The following FAM171A1 variants were observed in gnomAD, a reference collection of about 807,000 sequenced individuals.
FAM171A1 encodes family with sequence similarity 171 member A1, also known as protein FAM171A1.
In FAM171A1, 23 loss-of-function variants were observed where a neutral mutation model predicts 74.9. The observed-to-expected ratio is 0.31, with a 90% CI of 0.22 to 0.44. FAM171A1 has a LOEUF of 0.44. Among genes scored for constraint, FAM171A1 ranks in the 20% least tolerant of loss-of-function variants. The pLI is 1.00. For missense variants in FAM171A1, 1,162 were observed against 1,159.2 expected, an observed-to-expected ratio of 1.00 and a Z score of -0.03; for synonymous variants, 527 against 505.7, an observed-to-expected ratio of 1.04 and a Z score of -0.57.
intron 2 of FAM171A1, among the ~76,000 whole-genome samples, chr10:15,279,081 A>G (rs1834932807): frequency 6.6e-6 from 1 of 152,068 alleles, no homozygotes; most frequent in South Asian, 2.1e-4. Flanking sequence ...GACATTTACA[A>G]GGCCCTGACC....
intron 1 of FAM171A1, among the ~76,000 whole-genome samples, chr10:15,306,152 CAT>C (rs1432704043): frequency 6.6e-6 from 1 of 152,232 alleles, no homozygotes; most frequent in Non-Finnish European, 1.5e-5. Flanking sequence ...CCTATCTTCA[CAT>C]TCAGATGTGC....
At chr10:15,274,926 A>G (rs995143662) in intron 3 of FAM171A1, among the ~76,000 whole-genome samples, 2 of 152,204 alleles carry the variant, frequency 1.3e-5, no homozygotes, top group African/African-American at 4.8e-5. Context: ...GCAGCCATAA[A>G]AAATGATGAG....
intron 1 of FAM171A1, among the ~76,000 whole-genome samples, chr10:15,342,307 C>T (rs973846194): frequency 2.6e-5 from 4 of 152,166 alleles, no homozygotes; most frequent in African/African-American, 9.7e-5. Context: ...TGGTGGCTCA[C>T]GCCTGTAATC....
chr10:15,262,165 C>T (rs758904268), intron 3 of FAM171A1, among the ~76,000 whole-genome samples: 3 of 152,080 alleles, frequency 2.0e-5, no homozygotes, highest in Non-Finnish European at 2.9e-5. Flanking sequence ...CAGGGGAGAG[C>T]GTGTGGGAGT....
intron 1 of FAM171A1, among the ~76,000 whole-genome samples, chr10:15,347,368 C>G (rs866326324): frequency 6.6e-6 from 1 of 152,096 alleles, no homozygotes; most frequent in Non-Finnish European, 1.5e-5. Context: ...TTCATTGGGT[C>G]GGAAATCGAT....
At position 15,285,299 on chromosome 10, in the gene FAM171A1, A is replaced by G. The variant is rs139844884; in HGVS notation, c.98-1194T>C. The stretch of plus-strand genomic sequence containing the variant: ...GAGAGGCGTAGGAGGCTGGAGAGGC[A>G]AGTAAGGCCAGATCACACATGGCTT... On this transcript the variant is annotated intron_variant, in intron 1 of 7. Coordinates refer to ENST00000378116, the MANE Select transcript of FAM171A1 (RefSeq NM_001010924.2). Among the ~76,000 whole-genome samples the G allele has an allele frequency of 4.4e-3, 675 of 152,320 alleles. 3 individuals are homozygous for G. Among genetic ancestry groups the G allele is most frequent in the African/African-American group, 0.014 (602 of 41,574 alleles).
chr10:15,263,282 C>T (rs775078700), intron 3 of FAM171A1, among the ~76,000 whole-genome samples: 5 of 152,308 alleles, frequency 3.3e-5, no homozygotes, highest in South Asian at 2.1e-4. Flanking sequence ...GTCTCATCTC[C>T]GGCATTCATA....
intron 5 of FAM171A1, among the ~76,000 whole-genome samples, chr10:15,228,336 ATTTTTTTTTT>A (rs71390021): frequency 3.2e-5 from 4 of 123,962 alleles, no homozygotes; most frequent in African/African-American, 1.2e-4. Flanking sequence ...AAGTGGGAGT[ATTTTTTTTTT>A]TTTTTTTTTT....
chr10:15,268,383 A>G (rs545760261), intron 3 of FAM171A1, among the ~76,000 whole-genome samples: 3 of 152,278 alleles, frequency 2.0e-5, no homozygotes, highest in African/African-American at 7.2e-5. Flanking sequence ...GGCAATGCAG[A>G]TGGAGACACC....
At position 15,214,031 on chromosome 10, in the gene FAM171A1, C is replaced by T. The variant is rs751370179; in HGVS notation, c.1557G>A (p.Leu519=). The change falls in exon 8 of 8, where the codon CTG becomes CTA. Residue 519 remains leucine (L), a synonymous_variant. Coordinates refer to ENST00000378116, the MANE Select transcript of FAM171A1 (RefSeq NM_001010924.2). ...TGSKLTIQEH[L]YPAPSSPEKE... is the part of the protein sequence containing the mutation. ...TCTCAGGTGATGAAGGCGCGGGGTA[C>T]AGATGTTCCTGAATGGTGAGTTTGC... 3.1e-6 allele frequency: 5 copies of T among 1,614,060 alleles called. No individual in the cohort carries two copies. In the African/African-American group the frequency reaches 4.0e-5, roughly 13 times the overall value.
intron 4 of FAM171A1, among the ~76,000 whole-genome samples, chr10:15,250,187 T>A (rs1834489620): frequency 6.6e-6 from 1 of 152,230 alleles, no homozygotes; most frequent in South Asian, 2.1e-4. Flanking sequence ...CCCGTCTGTT[T>A]TTTAATGAAG....
At chr10:15,346,156 A>T (rs1241068640) in intron 1 of FAM171A1, among the ~76,000 whole-genome samples, 1 of 152,186 alleles carries the variant, frequency 6.6e-6, no homozygotes, top group Non-Finnish European at 1.5e-5. Context: ...GCTGGAATGC[A>T]GTGATCTCAG....
At position 15,283,972 on chromosome 10, in the gene FAM171A1, C is replaced by A; in HGVS notation, c.231G>T (p.Lys77Asn). ...ACTGACTGCCCAGCTTATACTGGAA[C>A]TTGATAAAGGCGACGCCATCAGTCC... ...TSGTDGVAFI[K>N]FQYKLGSQLI... Residue 77 changes from lysine to asparagine, a missense_variant, in exon 2 of 8, where the codon AAG becomes AAT. By Grantham distance (94) the Lys-to-Asn change is moderately conservative (BLOSUM62 0). Coordinates refer to ENST00000378116, the MANE Select transcript of FAM171A1 (RefSeq NM_001010924.2). 1 of 1,614,172 alleles carries A rather than the reference C, an allele frequency of 6.2e-7. No individual in the cohort carries two copies. Among genetic ancestry groups the A allele is most frequent in the Non-Finnish European group, 8.5e-7 (1 of 1,180,034 alleles).
At chr10:15,319,846 T>C (rs543562205) in intron 1 of FAM171A1, among the ~76,000 whole-genome samples, 15 of 152,344 alleles carry the variant, frequency 9.8e-5, no homozygotes, top group African/African-American at 3.4e-4. Context: ...AGAACCCATA[T>C]AAAAGGTTTT....
intron 5 of FAM171A1, among the ~76,000 whole-genome samples, chr10:15,227,711 C>T (rs561492705): frequency 3.3e-5 from 5 of 152,300 alleles, no homozygotes; most frequent in African/African-American, 1.2e-4. Context: ...TTAGACCTTA[C>T]ACAATGGAAA....
chr10:15,256,441 C>G (rs1834581586), intron 3 of FAM171A1, among the ~76,000 whole-genome samples: 1 of 152,164 alleles, frequency 6.6e-6, no homozygotes, highest in Non-Finnish European at 1.5e-5. Context: ...AGCAGGTAGA[C>G]TTCTCCAGGG....
chr10:15,354,651 A>T (rs1053861165), intron 1 of FAM171A1, among the ~76,000 whole-genome samples: 1 of 152,214 alleles, frequency 6.6e-6, no homozygotes, highest in African/African-American at 2.4e-5. Context: ...AAGAGAAGAA[A>T]CAGGCTGGGC....
At chr10:15,348,700 G>A (rs1243137484) in intron 1 of FAM171A1, among the ~76,000 whole-genome samples, 1 of 152,110 alleles carries the variant, frequency 6.6e-6, no homozygotes, top group African/African-American at 2.4e-5. Context: ...GGGGCCACAC[G>A]GGACCCTGAA....
rs143238201 is a variant in FAM171A1, at chr10:15,248,655, C to T, written c.738G>A (p.Arg246=). ...CTTGCTTACCCAGCTTCTGGTCAAA[C>T]CGCCACGCCGCGACATAGGCATTGT... ...LRHNAYVAAW[R]FDQKLGTWLK... is the part of the protein sequence containing the mutation. The change falls in exon 5 of 8, where the codon CGG becomes CGA. Residue 246 remains arginine (R), a synonymous_variant. Transcript: ENST00000378116. The T allele has an allele frequency of 5.6e-6, 9 of 1,607,828 alleles. No homozygotes were observed. The highest frequency in any genetic ancestry group is 1.3e-5 in the African/African-American group (1 of 74,714).
Sources: allele counts gnomAD v4.1 joint callset (sites outside exome capture counted in the v4.1 genomes callset), GRCh38; gene constraint gnomAD v4.1.1; transcripts MANE v1.5; gene names NCBI Gene and HGNC (gene_info 2026-07-23, HGNC 2026-07-21).